Variants in COL24A1 observed in about 807,000 individuals in gnomAD.
COL24A1 encodes the protein collagen type XXIV alpha 1 chain.
A neutral mutation model predicts 253.9 loss-of-function variants in COL24A1; 224 were observed. The observed-to-expected ratio is 0.88, with a 90% CI of 0.79 to 0.99. The LOEUF (loss-of-function observed/expected upper bound fraction) is 0.99, where lower values mean the gene tolerates loss of function less well. Among genes scored for constraint, COL24A1 ranks in the 50% least tolerant of loss-of-function variants. The probability of loss-of-function intolerance (pLI) is 0.00; values close to 1 mark genes in which losing one functional copy is unlikely to be tolerated. For synonymous variants in COL24A1, 685 were observed against 673.7 expected, an observed-to-expected ratio of 1.02 and a Z score of -0.26; for missense variants, 2,131 against 2,068.5, an observed-to-expected ratio of 1.03 and a Z score of -0.59.
chr1:86,064,022 A>T (rs1302547526), intron 7 of COL24A1, among the ~76,000 whole-genome samples: 7 of 152,106 alleles, frequency 4.6e-5, no homozygotes, highest in African/African-American at 1.7e-4. Context: ...CTAAAATGGT[A>T]GCATAGTACT....
chr1:85,761,158 A>G (rs751573414), intron 55 of COL24A1, among the ~76,000 whole-genome samples: 5 of 152,180 alleles, frequency 3.3e-5, no homozygotes, highest in Non-Finnish European at 5.9e-5. Flanking sequence ...TTTACTTCTT[A>G]CTCAACACTT....
chr1:85,942,184 T>C (rs752971592), intron 24 of COL24A1, among the ~76,000 whole-genome samples: 2 of 152,212 alleles, frequency 1.3e-5, no homozygotes, highest in Admixed American at 6.6e-5. Context: ...AGTTAGACTA[T>C]GGTTTTTTGA....
chr1:86,066,848 T>C (rs1043087280), intron 7 of COL24A1, among the ~76,000 whole-genome samples: 3 of 152,092 alleles, frequency 2.0e-5, no homozygotes, highest in African/African-American at 7.2e-5. Flanking sequence ...TATGAGTTAC[T>C]TCAGGAAGGC....
At chr1:85,871,578 A>G (rs1680496340) in intron 35 of COL24A1, among the ~76,000 whole-genome samples, 1 of 152,262 alleles carries the variant, frequency 6.6e-6, no homozygotes, top group African/African-American at 2.4e-5. Context: ...GCATATAAAC[A>G]GAACCAAAGA....
Position 86,125,390 on chromosome 1 carries a change from A to G in COL24A1, c.946T>C (p.Ser316Pro). ...EHQISRSQLS[S>P]LQSGNVSAVD... The stretch of plus-strand genomic sequence containing the variant: ...GCAGAGACATTTCCTGACTGAAGAG[A>G]AGATAACTGAGATCTTGATATCTGG... Residue 316 changes from serine to proline, a missense_variant, in exon 3 of 60, where the codon TCT becomes CCT. Ser to Pro is a moderately conservative substitution (Grantham distance 74, BLOSUM62 -1). Coordinates refer to ENST00000370571, the MANE Select transcript of COL24A1 (RefSeq NM_152890.7). 6.2e-7 allele frequency: 1 copy of G among 1,613,640 alleles called. No individual in the cohort carries two copies. The highest frequency in any genetic ancestry group is 1.1e-5 in the South Asian group (1 of 91,070).
At chr1:85,783,888 G>T (rs1163851262) in intron 50 of COL24A1, among the ~76,000 whole-genome samples, 2 of 152,060 alleles carry the variant, frequency 1.3e-5, no homozygotes, top group Non-Finnish European at 2.9e-5. Flanking sequence ...TAAACTGCTT[G>T]GGAAAAGGGA....
chr1:85,896,306 G>A (rs1322721409), intron 29 of COL24A1, 50 bp downstream of exon 29: 3 of 1,489,256 alleles, frequency 2.0e-6, no homozygotes, highest in Non-Finnish European at 2.8e-6. Context: ...TAGGACATAT[G>A]ATCTCAATAA....
At chr1:85,802,299 A>G (rs527804508) in intron 47 of COL24A1, among the ~76,000 whole-genome samples, 1 of 152,268 alleles carries the variant, frequency 6.6e-6, no homozygotes, top group Non-Finnish European at 1.5e-5. Context: ...GTCATTGTAT[A>G]CCTCAACAGC....
Position 86,126,004 on chromosome 1 carries a change from C to T in COL24A1, c.332G>A (p.Gly111Glu), listed in dbSNP as rs1648229680. ...ATTGTTCACCCGATGTGACTGTAAC[C>T]CAGTTAATATTGTAAACGGCTGCCC... ...NLGQPFTILT[G>E]LQSHRVNNAF... is the part of the protein sequence containing the mutation. The change falls in exon 3 of 60, where the codon GGG becomes GAG. Residue 111 changes from glycine (G) to glutamate (E), a missense_variant. Transcript: ENST00000370571. 1.9e-6 allele frequency: 3 copies of T among 1,613,336 alleles called. No homozygotes were observed. The South Asian group carries it at 3.3e-5, about 18-fold the overall frequency.
intron 7 of COL24A1, among the ~76,000 whole-genome samples, chr1:86,070,324 C>A (rs978042677): frequency 1.3e-5 from 2 of 152,032 alleles, no homozygotes; most frequent in Non-Finnish European, 2.9e-5. Context: ...ATGAAGCACA[C>A]CTACAAGATG....
At chr1:86,001,635 A>C (rs1695417126) in intron 19 of COL24A1, among the ~76,000 whole-genome samples, 1 of 152,182 alleles carries the variant, frequency 6.6e-6, no homozygotes, top group African/African-American at 2.4e-5. Context: ...GGACTGAAAT[A>C]TATTTATCAG....
chr1:85,991,281 G>T (rs1440324058), intron 19 of COL24A1, among the ~76,000 whole-genome samples: 1 of 152,192 alleles, frequency 6.6e-6, no homozygotes, highest in African/African-American at 2.4e-5. Context: ...TGATTGGGGA[G>T]CTTCAACAAC....
At chr1:85,942,745 G>A (rs989622467) in intron 24 of COL24A1, among the ~76,000 whole-genome samples, 10 of 152,322 alleles carry the variant, frequency 6.6e-5, no homozygotes, top group African/African-American at 2.4e-4. Flanking sequence ...GGATTAGTGT[G>A]TCTTCAGTTG....
intron 53 of COL24A1, among the ~76,000 whole-genome samples, chr1:85,763,696 T>C (rs1057349626): frequency 6.6e-6 from 1 of 151,884 alleles, no homozygotes; most frequent in African/African-American, 2.4e-5. Context: ...GGTTTCATCA[T>C]GTTGGCCAGG....
chr1:85,997,055 G>GTATATATATATATATATA (rs59071699), intron 19 of COL24A1, among the ~76,000 whole-genome samples: 138 of 94,798 alleles, frequency 1.5e-3, no homozygotes, highest in African/African-American at 2.6e-3. Context: ...GTGTGTGTGT[G>GTATATATATATATATATA]TATATATATA....
intron 42 of COL24A1, among the ~76,000 whole-genome samples, chr1:85,839,341 A>G (rs910058432): frequency 6.6e-6 from 1 of 152,238 alleles, no homozygotes; most frequent in African/African-American, 2.4e-5. Flanking sequence ...AGTTCAGTAC[A>G]TAATTCCATT....
intron 19 of COL24A1, among the ~76,000 whole-genome samples, chr1:86,012,152 A>T (rs920859185): frequency 3.9e-4 from 60 of 152,270 alleles, no homozygotes; most frequent in African/African-American, 1.3e-3. Flanking sequence ...AAATAAATTT[A>T]AAAAAAGTTC....
intron 5 of COL24A1, among the ~76,000 whole-genome samples, chr1:86,111,991 C>T (rs778384929): frequency 5.3e-5 from 8 of 152,142 alleles, no homozygotes; most frequent in Admixed American, 3.9e-4. Flanking sequence ...TAACACTCAC[C>T]GCGAGGGTCC....
intron 59 of COL24A1, 67 bp downstream of exon 59, chr1:85,734,682 T>G: frequency 2.1e-6 from 3 of 1,407,378 alleles, no homozygotes; most frequent in Non-Finnish European, 3.0e-6. Flanking sequence ...CTAATTATCC[T>G]AATTTTATGG....
Sources: allele counts gnomAD v4.1 joint callset (sites outside exome capture counted in the v4.1 genomes callset), GRCh38; gene constraint gnomAD v4.1.1; transcripts MANE v1.5; gene names NCBI Gene and HGNC (gene_info 2026-07-23, HGNC 2026-07-21).